The following NMRK1 variants were observed in gnomAD, a reference collection of about 807,000 sequenced individuals.
The protein encoded by NMRK1 is nicotinamide riboside kinase 1.
In NMRK1, 28 loss-of-function variants were observed where a neutral mutation model predicts 29.9. That is an observed-to-expected ratio of 0.94 (90% CI 0.69 to 1.28). The LOEUF (loss-of-function observed/expected upper bound fraction) is 1.28, where lower values mean the gene tolerates loss of function less well. Ranked by LOEUF, NMRK1 falls within the 50% of genes most tolerant of loss-of-function variation. The probability of loss-of-function intolerance (pLI) is 0.00; values close to 1 mark genes in which losing one functional copy is unlikely to be tolerated. For missense variants in NMRK1, 218 were observed against 233.1 expected, an observed-to-expected ratio of 0.94 and a Z score of 0.42; for synonymous variants, 58 against 73.0, an observed-to-expected ratio of 0.79 and a Z score of 1.05.
intron 2 of NMRK1, among the ~76,000 whole-genome samples, chr9:75,081,106 G>A (rs1824296153): frequency 6.6e-6 from 1 of 152,112 alleles, no homozygotes; most frequent in African/African-American, 2.4e-5. Context: ...AATTCCTTCA[G>A]AACCCCTGTT....
rs571169891 is a variant in NMRK1 at position 75,068,006 on chromosome 9, A to C, written c.496+990T>G. Among the ~76,000 whole-genome samples, 7 of 152,294 alleles carry C rather than the reference A, an allele frequency of 4.6e-5. No individual in the cohort carries two copies. The East Asian group carries it at 1.2e-3, about 25-fold the overall frequency. ...CCCACAGATCCGGATGCTTACCTCC[A>C]AATTGCTACATATGTCTCCCAGGCA... On this transcript the variant is annotated intron_variant, in intron 7 of 8. Coordinates refer to ENST00000361092, the MANE Select transcript of NMRK1 (RefSeq NM_017881.3).
At chr9:75,062,703 A>T (rs1216116667) in intron 8 of NMRK1, among the ~76,000 whole-genome samples, 2 of 152,230 alleles carry the variant, frequency 1.3e-5, no homozygotes, top group Non-Finnish European at 2.9e-5. Flanking sequence ...TGGAGGGAAC[A>T]CAGGTAATTA....
At chr9:75,079,792 G>A (rs1824214438) in intron 2 of NMRK1, among the ~76,000 whole-genome samples, 1 of 152,104 alleles carries the variant, frequency 6.6e-6, no homozygotes, top group Non-Finnish European at 1.5e-5. Flanking sequence ...TGGGGTAAAG[G>A]AATAGGAAGG....
rs914504365 is a variant in NMRK1 at position 75,061,302 on chromosome 9, T to A, written c.*246A>T. The A allele has an allele frequency of 7.0e-6, 3 of 426,652 alleles. No individual in the cohort carries two copies. Among genetic ancestry groups the A allele is most frequent in the Non-Finnish European group, 1.2e-5 (3 of 240,676 alleles). 26.4% of individuals were successfully genotyped at this position (426,652 alleles called of 1,614,324 possible). A position where few individuals can be genotyped will look rare whatever the true frequency, so the allele number is the denominator to read the frequency against. ...GTTCAGAAAGTGGAGACTTTCTGAC[T>A]CACTGTGAGCTCTGCTGTATCTATG... On this transcript the variant is annotated 3_prime_UTR_variant, in exon 9 of 9. Coordinates refer to ENST00000361092, the MANE Select transcript of NMRK1 (RefSeq NM_017881.3).
At chr9:75,079,557 C>T (rs1587397061) in intron 2 of NMRK1, among the ~76,000 whole-genome samples, 4 of 152,226 alleles carry the variant, frequency 2.6e-5, no homozygotes, top group Admixed American at 2.6e-4. Context: ...CCCATTTTTG[C>T]ACAAGCCTTG....
In NMRK1 at chr9:75,069,083, G is replaced by C; in HGVS notation, c.409C>G (p.Pro137Ala). Residue 137 changes from proline to alanine, a missense_variant, in exon 7 of 9, where the codon CCA becomes GCA. Physicochemically the swap from Pro to Ala is conservative, Grantham distance 27 (BLOSUM62 -1). Transcript: ENST00000361092. ...CCATCAAAGTATCCCGGAGAGTCTG[G>C]AGGCTGATAGACCCTTGTACTATCA... The part of the protein sequence containing the change: ...RRRSTRVYQP[P>A]DSPGYFDGHV... The C allele has an allele frequency of 6.2e-7, 1 of 1,613,560 alleles. No individual in the cohort carries two copies. Among genetic ancestry groups the C allele is most frequent in the Non-Finnish European group, 8.5e-7 (1 of 1,179,490 alleles).
At chr9:75,081,386 A>G (rs1824312264) in intron 2 of NMRK1, among the ~76,000 whole-genome samples, 1 of 152,170 alleles carries the variant, frequency 6.6e-6, no homozygotes, top group Non-Finnish European at 1.5e-5. Context: ...TGAGGTCAGG[A>G]GTTCAAGACC....
Position 75,061,157 on chromosome 9 carries a change from C to A in NMRK1, c.*391G>T. On this transcript the variant is annotated 3_prime_UTR_variant, in exon 9 of 9. Transcript: ENST00000361092. ...ATGTATCACACACACACATACACAC[C>A]TACACACAAATACATAAACATACAC... The A allele has an allele frequency of 5.1e-6, 1 of 197,816 alleles. No individual in the cohort carries two copies. Among genetic ancestry groups the A allele is most frequent in the Non-Finnish European group, 1.0e-5 (1 of 96,074 alleles). 12.3% of individuals were successfully genotyped at this position (197,816 alleles called of 1,614,324 possible). A position where few individuals can be genotyped will look rare whatever the true frequency, so the allele number is the denominator to read the frequency against.
At chr9:75,073,372 T>G (rs1823809014) in intron 4 of NMRK1, among the ~76,000 whole-genome samples, 1 of 152,208 alleles carries the variant, frequency 6.6e-6, no homozygotes, top group South Asian at 2.1e-4. Context: ...AATAATTTTC[T>G]GTTGTTTAAG....
chr9:75,077,192 C>G lies in NMRK1; in HGVS notation c.136G>C (p.Glu46Gln). 1.9e-6 allele frequency: 3 copies of G among 1,595,660 alleles called. No homozygotes were observed. Among genetic ancestry groups the G allele is most frequent in the Non-Finnish European group, 1.7e-6 (2 of 1,166,382 alleles). The change falls in exon 4 of 9, where the codon GAG (glutamate) becomes CAG (glutamine). Residue 46 changes from glutamate to glutamine, a missense_variant. Coordinates refer to ENST00000361092, the MANE Select transcript of NMRK1 (RefSeq NM_017881.3). ...TGCAAAAATCCATTTTTATCTGTCT[C>G]TATCTCAGACTCTGGCTGGAAAAAT... ...DDFFKPESEI[E>Q]TDKNGFLQYD...
At chr9:75,077,045 C>CT in intron 4 of NMRK1, 114 bp downstream of exon 4, 1 of 661,352 alleles carries the variant, frequency 1.5e-6, no homozygotes, top group Non-Finnish European at 2.7e-6. Flanking sequence ...TAGTGAAGTT[C>CT]TTTTTTTAAA....
At chr9:75,069,368 G>A in intron 6 of NMRK1, 1 of 483,400 alleles carries the variant, frequency 2.1e-6, no homozygotes. Flanking sequence ...AGAACTAAGA[G>A]ACAAATAGTG....
intron 2 of NMRK1, among the ~76,000 whole-genome samples, chr9:75,080,940 G>T (rs956764612): frequency 9.2e-5 from 14 of 152,146 alleles, no homozygotes; most frequent in Admixed American, 3.3e-4. Context: ...TTCTTGTAGA[G>T]CCTGCAGAAC....
intron 8 of NMRK1, among the ~76,000 whole-genome samples, chr9:75,062,925 G>A (rs1823109772): frequency 6.6e-6 from 1 of 152,116 alleles, no homozygotes; most frequent in Non-Finnish European, 1.5e-5. Flanking sequence ...CCAGCTACTT[G>A]GGAGGCTGAG....
chr9:75,083,271 C>T, intron 1 of NMRK1, 121 bp from the exon 2 acceptor site: 1 of 644,136 alleles, frequency 1.6e-6, no homozygotes, highest in South Asian at 1.8e-5. Flanking sequence ...CCTTTCAGCC[C>T]AGCCCCGCAT....
chr9:75,073,761 A>G (rs1434242110), intron 4 of NMRK1, among the ~76,000 whole-genome samples: 2 of 152,100 alleles, frequency 1.3e-5, no homozygotes. Flanking sequence ...ACAAACAAAC[A>G]AAAAACTCCC....
chr9:75,086,908 G>GTTTT (rs10652376), intron 1 of NMRK1, among the ~76,000 whole-genome samples: 1,564 of 143,164 alleles, frequency 0.011, 15 homozygotes, highest in South Asian at 0.02. Flanking sequence ...TCAAGGCTGG[G>GTTTT]TTTTTTTTTT....
At chr9:75,080,615 G>A (rs573658846) in intron 2 of NMRK1, among the ~76,000 whole-genome samples, 1 of 152,180 alleles carries the variant, frequency 6.6e-6, no homozygotes, top group African/African-American at 2.4e-5. Flanking sequence ...TTGCACCACT[G>A]CACTCCAGCC....
At chr9:75,075,623 T>C (rs1263646888) in intron 4 of NMRK1, among the ~76,000 whole-genome samples, 1 of 152,248 alleles carries the variant, frequency 6.6e-6, no homozygotes, top group Admixed American at 6.5e-5. Flanking sequence ...TGATATTCTC[T>C]ACAAAAAATG....
Sources: gnomAD v4.1 joint callset for allele counts (sites outside exome capture counted in the v4.1 genomes callset) on GRCh38, gnomAD v4.1.1 for gene constraint, MANE v1.5 for transcripts, NCBI Gene and HGNC (gene_info 2026-07-23, HGNC 2026-07-21) for gene names.